Variants in KCNB2 observed in about 807,000 individuals in gnomAD.
The protein encoded by KCNB2 is delayed rectifier potassium channel protein.
Under a neutral mutation model 61.5 loss-of-function variants are expected in KCNB2, and 15 were observed. The ratio of observed to expected loss-of-function variants is 0.24; its 90% CI spans 0.16 to 0.38. The LOEUF is 0.38. Among genes scored for constraint, KCNB2 ranks in the 10% least tolerant of loss-of-function variants. KCNB2 has a pLI of 1.00. For missense variants in KCNB2, 828 were observed against 1,125.2 expected, an observed-to-expected ratio of 0.74 and a Z score of 3.78; for synonymous variants, 457 against 446.0, an observed-to-expected ratio of 1.02 and a Z score of -0.31.
At chr8:72,653,620 C>G (rs1184992119) in intron 2 of KCNB2, among the ~76,000 whole-genome samples, 2 of 152,246 alleles carry the variant, frequency 1.3e-5, no homozygotes, top group South Asian at 4.2e-4. Flanking sequence ...ACTGGCCAAA[C>G]CTGACCTGCC....
chr8:72,627,156 A>G (rs981279149), intron 2 of KCNB2, among the ~76,000 whole-genome samples: 7 of 152,198 alleles, frequency 4.6e-5, no homozygotes, highest in Non-Finnish European at 8.8e-5. Flanking sequence ...CTTATCAGTC[A>G]TGTATACTTT....
chr8:72,795,811 A>G (rs565267915), intron 2 of KCNB2, among the ~76,000 whole-genome samples: 150 of 152,374 alleles, frequency 9.8e-4, no homozygotes, highest in Admixed American at 3.7e-3. Context: ...CTGATGGTAA[A>G]GAACAACATA....
At chr8:72,899,967 C>G (rs555920752) in intron 2 of KCNB2, among the ~76,000 whole-genome samples, 2 of 152,066 alleles carry the variant, frequency 1.3e-5, no homozygotes, top group Non-Finnish European at 2.9e-5. Flanking sequence ...CCCAGAAGTT[C>G]AAGACCAGCT....
chr8:72,828,001 C>T lies in KCNB2; in HGVS notation c.580-107934C>T, dbSNP rs531181588. On this transcript the variant is annotated intron_variant, in intron 2 of 2. Transcript: ENST00000523207. ...CTAATTTTTGTATTTTTAGTAGAGACGGGGTTTCACCATGTTGGCCAGGTT... is the reference window on the plus strand; with the variant it reads ...CTAATTTTTGTATTTTTAGTAGAGATGGGGTTTCACCATGTTGGCCAGGTT... Among the ~76,000 whole-genome samples the T allele has an allele frequency of 5.9e-5, 9 of 152,006 alleles. No homozygotes were observed. The South Asian group carries it at 1.0e-3, about 18-fold the overall frequency.
chr8:72,638,314 G>T lies in KCNB2; in HGVS notation c.579+70001G>T, dbSNP rs189340746. Reference sequence around the variant, plus strand: ...AGTGAGCACTCTAAAGTTTTCCCCTGTTCCTCTATGGAAATTCACAAAAGA... The same window carrying T: ...AGTGAGCACTCTAAAGTTTTCCCCTTTTCCTCTATGGAAATTCACAAAAGA... On this transcript the variant is annotated intron_variant, in intron 2 of 2. Transcript: ENST00000523207. Among the ~76,000 whole-genome samples, 8 of 152,086 alleles carry T rather than the reference G, an allele frequency of 5.3e-5. No homozygotes were observed. In the East Asian group the frequency reaches 1.5e-3, roughly 29 times the overall value.
chr8:72,745,395 C>T (rs2128995044), intron 2 of KCNB2, among the ~76,000 whole-genome samples: 1 of 152,288 alleles, frequency 6.6e-6, no homozygotes, highest in Non-Finnish European at 1.5e-5. Context: ...CAGAGCCACG[C>T]TCACTCATGA....
chr8:72,919,597 G>A (rs966930084), intron 2 of KCNB2, among the ~76,000 whole-genome samples: 27 of 152,142 alleles, frequency 1.8e-4, no homozygotes, highest in African/African-American at 6.5e-4. Context: ...AGGAAATAAG[G>A]CATGGCCACA....
At chr8:72,837,905 C>A (rs1809808463) in intron 2 of KCNB2, among the ~76,000 whole-genome samples, 2 of 151,990 alleles carry the variant, frequency 1.3e-5, no homozygotes, top group African/African-American at 4.8e-5. Flanking sequence ...AAAAGTTAGG[C>A]CTGCATGCAT....
rs553582070 is a variant in KCNB2, at chr8:72,549,496, A to G, written c.-94+11611A>G. ...TATATTCCACTGATGAAAACTAGTC[A>G]GATACCACTCTATCTAGATGCCTAG... On this transcript the variant is annotated intron_variant, in intron 1 of 2. Transcript: ENST00000523207. Among the ~76,000 whole-genome samples the G allele has an allele frequency of 1.4e-4, 21 of 152,332 alleles. No homozygotes were observed. The East Asian group carries it at 3.1e-3, about 22-fold the overall frequency.
intron 2 of KCNB2, among the ~76,000 whole-genome samples, chr8:72,644,772 T>A (rs956323941): frequency 7.9e-5 from 12 of 152,316 alleles, no homozygotes; most frequent in African/African-American, 2.6e-4. Context: ...ATGTACTTTA[T>A]CTCATTTAGT....
rs558546443 is a variant in KCNB2 at position 72,613,581 on chromosome 8, T to G, written c.579+45268T>G. Among the ~76,000 whole-genome samples the G allele has an allele frequency of 2.6e-5, 4 of 152,326 alleles. No homozygotes were observed. In the South Asian group the frequency reaches 8.3e-4, roughly 32 times the overall value. On this transcript the variant is annotated intron_variant, in intron 2 of 2. Transcript: ENST00000523207. ...CTATGTATTAAGATCTGACCATCTG[T>G]GGAGTGTGTTCAGTTGGTGATACAT... is the stretch of plus-strand genomic sequence containing the variant.
At chr8:72,891,306 G>C (rs929945538) in intron 2 of KCNB2, among the ~76,000 whole-genome samples, 1 of 152,154 alleles carries the variant, frequency 6.6e-6, no homozygotes, top group Non-Finnish European at 1.5e-5. Flanking sequence ...AGCTGGAGAT[G>C]GTAACATTTA....
chr8:72,698,144 G>A (rs531622356), intron 2 of KCNB2, among the ~76,000 whole-genome samples: 1 of 152,124 alleles, frequency 6.6e-6, no homozygotes, highest in African/African-American at 2.4e-5. Context: ...ACTGATAAAC[G>A]ACTTCAATAA....
At chr8:72,919,134 G>T (rs1806453900) in intron 2 of KCNB2, among the ~76,000 whole-genome samples, 1 of 152,158 alleles carries the variant, frequency 6.6e-6, no homozygotes, top group Non-Finnish European at 1.5e-5. Flanking sequence ...GTAAATGCAT[G>T]TATTTATATG....
chr8:72,741,937 C>G (rs984385371), intron 2 of KCNB2, among the ~76,000 whole-genome samples: 1 of 152,168 alleles, frequency 6.6e-6, no homozygotes, highest in African/African-American at 2.4e-5. Flanking sequence ...TATGGAGATT[C>G]CTTAAAGATC....
intron 2 of KCNB2, among the ~76,000 whole-genome samples, chr8:72,904,148 T>A (rs1171341641): frequency 1.3e-5 from 2 of 152,174 alleles, no homozygotes; most frequent in South Asian, 2.1e-4. Context: ...GCCTTACTCT[T>A]GTATATAGAA....
intron 2 of KCNB2, among the ~76,000 whole-genome samples, chr8:72,669,812 G>A (rs1269586175): frequency 2.0e-5 from 3 of 152,112 alleles, no homozygotes; most frequent in Non-Finnish European, 4.4e-5. Flanking sequence ...AGTCACCTAG[G>A]ACTACCCCAT....
chr8:72,826,718 G>T (rs185713758), intron 2 of KCNB2, among the ~76,000 whole-genome samples: 18 of 152,302 alleles, frequency 1.2e-4, no homozygotes, highest in African/African-American at 4.3e-4. Context: ...TCCCTATTGG[G>T]ACATGATATT....
chr8:72,764,650 A>G (rs1165703633), intron 2 of KCNB2, among the ~76,000 whole-genome samples: 1 of 152,190 alleles, frequency 6.6e-6, no homozygotes, highest in Non-Finnish European at 1.5e-5. Context: ...TGACCATCAT[A>G]TATAGTCTTA....
Sources: allele counts gnomAD v4.1 joint callset (sites outside exome capture counted in the v4.1 genomes callset), GRCh38; gene constraint gnomAD v4.1.1; transcripts MANE v1.5; gene names NCBI Gene and HGNC (gene_info 2026-07-23, HGNC 2026-07-21).